Variants in ABHD14A observed in about 807,000 individuals in gnomAD.
ABHD14A encodes abhydrolase domain containing 14A, also known as protein ABHD14A.
A neutral mutation model predicts 27.0 loss-of-function variants in ABHD14A; 19 were observed. The observed-to-expected ratio is 0.70, with a 90% CI of 0.49 to 1.03. The LOEUF (loss-of-function observed/expected upper bound fraction) is 1.03, where lower values mean the gene tolerates loss of function less well. ABHD14A is among the 50% of genes least tolerant of loss of function. The pLI, the probability that ABHD14A is intolerant of heterozygous loss-of-function variation, is 0.00. For synonymous variants in ABHD14A, 148 were observed against 158.8 expected, an observed-to-expected ratio of 0.93 and a Z score of 0.51; for missense variants, 311 against 344.6, an observed-to-expected ratio of 0.90 and a Z score of 0.77.
chr3:51,978,819 C>T (rs765868933), intron 3 of ABHD14A: 6 of 223,422 alleles, frequency 2.7e-5, no homozygotes, highest in Admixed American at 1.0e-4. Context: ...CCTGAACTCC[C>T]GACCTCAGGT....
At chr3:51,978,482 A>G (rs958532072) in intron 3 of ABHD14A, 108 bp downstream of exon 3, 6 of 692,664 alleles carry the variant, frequency 8.7e-6, no homozygotes, top group Non-Finnish European at 1.4e-5. Context: ...AGGTGGCACC[A>G]TGAAAAAGTC....
At chr3:51,977,466 C>A (rs149021118) in intron 1 of ABHD14A, among the ~76,000 whole-genome samples, 427 of 152,248 alleles carry the variant, frequency 2.8e-3, no homozygotes, top group African/African-American at 9.8e-3. Flanking sequence ...CCTCTCTGAG[C>A]CTCCATTTCC....
Position 51,981,078 on chromosome 3 carries a change from C to T in ABHD14A, c.*60C>T. 6.4e-7 allele frequency: 1 copy of T among 1,559,198 alleles called. No individual in the cohort carries two copies. Among genetic ancestry groups the T allele is most frequent in the Non-Finnish European group, 8.8e-7 (1 of 1,141,290 alleles). On this transcript the variant is annotated 3_prime_UTR_variant, in exon 5 of 5. Transcript: ENST00000273596. The stretch of plus-strand genomic sequence containing the variant: ...CTTGGACAGTCTGGACCGCCACCCT[C>T]CCTGAACCAGGGAGACAGCCTCTGG...
chr3:51,979,848 A>G (rs1286856774), intron 3 of ABHD14A, among the ~76,000 whole-genome samples: 1 of 152,136 alleles, frequency 6.6e-6, no homozygotes, highest in Admixed American at 6.5e-5. Flanking sequence ...ATATGGATTT[A>G]TCTTCCCATC....
Position 51,975,147 on chromosome 3 carries a change from G to A in ABHD14A, c.12G>A (p.Ala4=). The change falls in exon 1 of 5, where the codon GCG becomes GCA. Residue 4 remains alanine, a synonymous_variant. Coordinates refer to ENST00000273596, the MANE Select transcript of ABHD14A (RefSeq NM_015407.5). ...CTGCGGAGGCAGCCATGGTCGGGGC[G>A]CTGTGCGGCTGCTGGTTCCGCCTGG... MVG[A]LCGCWFRLGG... 3 of 1,290,302 alleles carry A rather than the reference G, an allele frequency of 2.3e-6. No homozygotes were observed. Among genetic ancestry groups the A allele is most frequent in the East Asian group, 6.3e-5 (2 of 31,994 alleles). 79.9% of individuals were successfully genotyped at this position (1,290,302 alleles called of 1,614,324 possible).
chr3:51,978,580 T>G (rs967769528), intron 3 of ABHD14A: 3 of 363,174 alleles, frequency 8.3e-6, no homozygotes, highest in African/African-American at 6.3e-5. Flanking sequence ...TATACTTTCT[T>G]TTTTTTTATT....
rs1700817280 is a variant in ABHD14A, at chr3:51,977,801, T to C, written c.70-70T>C. On this transcript the variant is annotated intron_variant, in intron 1 of 4. Coordinates refer to ENST00000273596, the MANE Select transcript of ABHD14A (RefSeq NM_015407.5). Reference sequence around the variant, plus strand: ...TCTGCTGGGGACTCTGGGTGGGGTTTTGGGATGGGATCCAGGGTCCTTGTA... The same window carrying C: ...TCTGCTGGGGACTCTGGGTGGGGTTCTGGGATGGGATCCAGGGTCCTTGTA... 5 of 1,431,830 alleles carry C rather than the reference T, an allele frequency of 3.5e-6. No individual in the cohort carries two copies. The South Asian group carries it at 6.1e-5, about 17-fold the overall frequency. The allele number at this position is 1,431,830 out of a possible 1,614,324, so 88.7% of individuals were successfully genotyped here.
chr3:51,980,903 G>A lies in ABHD14A; in HGVS notation c.701G>A (p.Arg234His), dbSNP rs147333161. The A allele has an allele frequency of 3.0e-5, 48 of 1,613,936 alleles. No individual in the cohort carries two copies. Among genetic ancestry groups the A allele is most frequent in the African/African-American group, 2.7e-4 (20 of 74,918 alleles). ...GCTCGAGAGTCACTGCGGCAGCTCC[G>A]CCACCTGCCCAACCACTCTGTGGTG... ...ILARESLRQLRHLPNHSVVKL... is the reference protein window; with the variant it reads ...ILARESLRQLHHLPNHSVVKL... Residue 234 changes from arginine (R) to histidine (H), a missense_variant, in exon 5 of 5, where the codon CGC (arginine) becomes CAC (histidine). By Grantham distance (29) the Arg-to-His change is conservative. Coordinates refer to ENST00000273596, the MANE Select transcript of ABHD14A (RefSeq NM_015407.5).
chr3:51,980,488 G>A lies in ABHD14A; in HGVS notation c.493G>A (p.Ala165Thr), dbSNP rs2106817781. The A allele has an allele frequency of 6.2e-7, 1 of 1,613,952 alleles. No homozygotes were observed. The highest frequency in any genetic ancestry group is 8.5e-7 in the Non-Finnish European group (1 of 1,180,032). Residue 165 changes from alanine to threonine, a missense_variant, in exon 4 of 5, where the codon GCC (alanine) becomes ACC (threonine). Ala to Thr is a moderately conservative substitution (Grantham distance 58, BLOSUM62 0). Transcript: ENST00000273596. ...GCTGCGGGACCTGGAGGTACAGAAT[G>A]CCGTGTTGGTGAGCCCCTCGCTGAG... ...RALRDLEVQNAVLVSPSLSGH... is the reference protein window; with the variant it reads ...RALRDLEVQNTVLVSPSLSGH...
intron 1 of ABHD14A, among the ~76,000 whole-genome samples, chr3:51,976,763 C>T (rs1211552445): frequency 6.6e-6 from 1 of 152,302 alleles, no homozygotes; most frequent in East Asian, 1.9e-4. Flanking sequence ...ATGACAGGGA[C>T]AGCCCTGATC....
intron 1 of ABHD14A, 129 bp downstream of exon 1, chr3:51,975,333 G>A (rs1299378542): frequency 1.1e-6 from 1 of 884,546 alleles, no homozygotes; most frequent in Non-Finnish European, 1.5e-6. Flanking sequence ...GAATGTGCAT[G>A]TGCGCGCGTG....
At position 51,981,078 on chromosome 3, in the gene ABHD14A, C is replaced by A; in HGVS notation, c.*60C>A. ...CTTGGACAGTCTGGACCGCCACCCTCCCTGAACCAGGGAGACAGCCTCTGG... is the reference window on the plus strand; with the variant it reads ...CTTGGACAGTCTGGACCGCCACCCTACCTGAACCAGGGAGACAGCCTCTGG... On this transcript the variant is annotated 3_prime_UTR_variant, in exon 5 of 5. Transcript: ENST00000273596. 6.4e-7 allele frequency: 1 copy of A among 1,559,198 alleles called. No individual in the cohort carries two copies. The highest frequency in any genetic ancestry group is 8.8e-7 in the Non-Finnish European group (1 of 1,141,290).
In ABHD14A at chr3:51,975,172, G is replaced by A; in HGVS notation, c.37G>A (p.Gly13Ser). Reference protein sequence around the residue: ...GALCGCWFRLGGARPLIPLGP... With the variant: ...GALCGCWFRLSGARPLIPLGP... Reference sequence around the variant, plus strand: ...GCTGTGCGGCTGCTGGTTCCGCCTGGGCGGGGCCCGCCCGCTCATCCCGTT... The same window carrying A: ...GCTGTGCGGCTGCTGGTTCCGCCTGAGCGGGGCCCGCCCGCTCATCCCGTT... The change falls in exon 1 of 5, where the codon GGC (glycine) becomes AGC (serine). Residue 13 changes from glycine (G) to serine (S), a missense_variant. Transcript: ENST00000273596. The A allele has an allele frequency of 7.8e-7, 1 of 1,280,676 alleles. No homozygotes were observed. The highest frequency in any genetic ancestry group is 3.1e-5 in the East Asian group (1 of 31,998). The allele number at this position is 1,280,676 out of a possible 1,614,324, so 79.3% of individuals were successfully genotyped here. A position where few individuals can be genotyped will look rare whatever the true frequency, so the allele number is the denominator to read the frequency against.
Position 51,981,112 on chromosome 3 carries a change from G to C in ABHD14A, c.*94G>C. The C allele has an allele frequency of 1.4e-6, 2 of 1,414,160 alleles. No individual in the cohort carries two copies. The highest frequency in any genetic ancestry group is 1.9e-6 in the Non-Finnish European group (2 of 1,028,218). 87.6% of individuals were successfully genotyped at this position (1,414,160 alleles called of 1,614,324 possible). On this transcript the variant is annotated 3_prime_UTR_variant, in exon 5 of 5. Transcript: ENST00000273596. ...AGGGAGACAGCCTCTGGGATTGGAG[G>C]CCAGAGGCCAGGGTCAGACCCAGCC...
rs749463097 is a variant in ABHD14A, at chr3:51,980,603, C to A, written c.608C>A (p.Thr203Asn). ...GCACCCACCTCCACCCAGAACTACA[C>A]CCAGGAGCAATTCTGGGCTGTGAAG... Reference protein sequence around the residue: ...PIAPTSTQNYTQEQFWAVKTP... With the variant: ...PIAPTSTQNYNQEQFWAVKTP... The change falls in exon 4 of 5, where the codon ACC becomes AAC. Residue 203 changes from threonine (T) to asparagine (N), a missense_variant. By Grantham distance (65) the Thr-to-Asn change is moderately conservative (BLOSUM62 0). Coordinates refer to ENST00000273596, the MANE Select transcript of ABHD14A (RefSeq NM_015407.5). 1.4e-5 allele frequency: 22 copies of A among 1,613,818 alleles called. No homozygotes were observed. In the East Asian group the frequency reaches 4.9e-4, roughly 36 times the overall value.
At chr3:51,976,511 C>G (rs781656208) in intron 1 of ABHD14A, among the ~76,000 whole-genome samples, 3 of 151,850 alleles carry the variant, frequency 2.0e-5, no homozygotes, top group Non-Finnish European at 4.4e-5. Flanking sequence ...CCTGTCTCTA[C>G]TAAAAAATAC....
At position 51,981,058 on chromosome 3, in the gene ABHD14A, A is replaced by G; in HGVS notation, c.*40A>G. 2.5e-6 allele frequency: 4 copies of G among 1,588,720 alleles called. No individual in the cohort carries two copies. Among genetic ancestry groups the G allele is most frequent in the Non-Finnish European group, 3.4e-6 (4 of 1,160,786 alleles). ...AGCTCCCAGCCTGGCATGAGCTTGG[A>G]CAGTCTGGACCGCCACCCTCCCTGA... On this transcript the variant is annotated 3_prime_UTR_variant, in exon 5 of 5. Coordinates refer to ENST00000273596, the MANE Select transcript of ABHD14A (RefSeq NM_015407.5).
Position 51,980,894 on chromosome 3 carries a change from G to T in ABHD14A, c.692G>T (p.Arg231Leu). 1 of 1,614,102 alleles carries T rather than the reference G, an allele frequency of 6.2e-7. No homozygotes were observed. The change falls in exon 5 of 5, where the codon CGG (arginine) becomes CTG (leucine). Residue 231 changes from arginine to leucine, a missense_variant. Arg to Leu is a moderately radical substitution (Grantham distance 102, BLOSUM62 -2). Coordinates refer to ENST00000273596, the MANE Select transcript of ABHD14A (RefSeq NM_015407.5). ...LDHILARESL[R>L]QLRHLPNHSV... ...CACATCCTGGCTCGAGAGTCACTGC[G>T]GCAGCTCCGCCACCTGCCCAACCAC...
rs1170111851 is a variant in ABHD14A, at chr3:51,975,153, C to T, written c.18C>T (p.Cys6=). The T allele has an allele frequency of 5.4e-6, 7 of 1,287,324 alleles. No individual in the cohort carries two copies. Among genetic ancestry groups the T allele is most frequent in the South Asian group, 2.4e-5 (1 of 41,910 alleles). The allele number at this position is 1,287,324 out of a possible 1,614,324, so 79.7% of individuals were successfully genotyped here. A position where few individuals can be genotyped will look rare whatever the true frequency, so the allele number is the denominator to read the frequency against. The change falls in exon 1 of 5, where the codon TGC becomes TGT. Residue 6 remains cysteine, a synonymous_variant. Transcript: ENST00000273596. The part of the protein sequence containing the change: MVGAL[C]GCWFRLGGAR... The stretch of plus-strand genomic sequence containing the variant: ...AGGCAGCCATGGTCGGGGCGCTGTG[C>T]GGCTGCTGGTTCCGCCTGGGCGGGG...
Sources: allele counts gnomAD v4.1 joint callset (sites outside exome capture counted in the v4.1 genomes callset), GRCh38; gene constraint gnomAD v4.1.1; transcripts MANE v1.5; gene names NCBI Gene and HGNC (gene_info 2026-07-23, HGNC 2026-07-21).